The following DOCK5 variants were observed in gnomAD, a reference collection of about 807,000 sequenced individuals.
The protein encoded by DOCK5 is dedicator of cytokinesis 5.
In DOCK5, 142 loss-of-function variants were observed where a neutral mutation model predicts 251.8. The ratio of observed to expected loss-of-function variants is 0.56; its 90% CI spans 0.49 to 0.65. The LOEUF is 0.65. Among genes scored for constraint, DOCK5 ranks in the 30% least tolerant of loss-of-function variants. The probability of loss-of-function intolerance (pLI) is 0.00; values close to 1 mark genes in which losing one functional copy is unlikely to be tolerated. For synonymous variants in DOCK5, 842 were observed against 835.5 expected, an observed-to-expected ratio of 1.01 and a Z score of -0.13; for missense variants, 2,111 against 2,312.3, an observed-to-expected ratio of 0.91 and a Z score of 1.79.
chr8:25,360,537 C>G (rs1800658746), intron 28 of DOCK5, among the ~76,000 whole-genome samples: 2 of 152,184 alleles, frequency 1.3e-5, no homozygotes, highest in South Asian at 4.1e-4. Context: ...GGTTTGAATT[C>G]TGACCATTCC....
At position 25,281,073 on chromosome 8, in the gene DOCK5, A is replaced by G. The variant is rs77677374; in HGVS notation, c.321+2408A>G. On this transcript the variant is annotated intron_variant, in intron 5 of 51. Coordinates refer to ENST00000276440, the MANE Select transcript of DOCK5 (RefSeq NM_024940.8). ...AACTGGTGTGCCCAGTTTATTACCT[A>G]TGTCTTCTACACATCCACAAGTAAT... Among the ~76,000 whole-genome samples, 35 of 150,490 alleles carry G rather than the reference A, an allele frequency of 2.3e-4. No individual in the cohort carries two copies. The East Asian group carries it at 5.5e-3, about 24-fold the overall frequency.
chr8:25,261,638 G>A (rs958647718), intron 2 of DOCK5, among the ~76,000 whole-genome samples: 1 of 152,098 alleles, frequency 6.6e-6, no homozygotes, highest in African/African-American at 2.4e-5. Context: ...GCAACAAAAG[G>A]CATTCATCTT....
At chr8:25,383,038 C>T (rs1801098914) in intron 40 of DOCK5, among the ~76,000 whole-genome samples, 1 of 152,136 alleles carries the variant, frequency 6.6e-6, no homozygotes, top group Admixed American at 6.5e-5. Flanking sequence ...CCGCACTGGT[C>T]AGCTGCTACG....
Position 25,345,593 on chromosome 8 carries a change from G to T in DOCK5, c.2736G>T (p.Val912=), listed in dbSNP as rs1433667319. Residue 912 remains valine (V), a synonymous_variant, in exon 26 of 52, where the codon GTG becomes GTT. Coordinates refer to ENST00000276440, the MANE Select transcript of DOCK5 (RefSeq NM_024940.8). ...SSQLLSNILE[V]LDRKDVGATA... ...AGCTTCTGAGCAACATCCTGGAGGT[G>T]CTGGACAGGAAGGATGTGGTGAGTT... 9.9e-6 allele frequency: 16 copies of T among 1,613,840 alleles called. No individual in the cohort carries two copies. The highest frequency in any genetic ancestry group is 1.4e-5 in the Non-Finnish European group (16 of 1,179,886).
At chr8:25,311,928 A>G (rs1805108412) in intron 13 of DOCK5, among the ~76,000 whole-genome samples, 1 of 152,118 alleles carries the variant, frequency 6.6e-6, no homozygotes, top group Non-Finnish European at 1.5e-5. Context: ...CCTCCAAAAA[A>G]AAAAAAAAAT....
At chr8:25,398,944 C>T (rs1043769386) in intron 45 of DOCK5, among the ~76,000 whole-genome samples, 10 of 152,158 alleles carry the variant, frequency 6.6e-5, no homozygotes, top group Admixed American at 1.3e-4. Flanking sequence ...TTGTTTGCCA[C>T]GCAAAATGGG....
intron 2 of DOCK5, among the ~76,000 whole-genome samples, chr8:25,260,831 T>A (rs1391507494): frequency 6.6e-6 from 1 of 152,006 alleles, no homozygotes; most frequent in Admixed American, 6.6e-5. Context: ...AATCTTGCTC[T>A]GTTGCCCAGG....
chr8:25,194,258 C>T (rs1353538111), intron 1 of DOCK5, among the ~76,000 whole-genome samples: 3 of 152,144 alleles, frequency 2.0e-5, no homozygotes, highest in African/African-American at 4.8e-5. Flanking sequence ...CACGCCACTA[C>T]ACTCCAGCCT....
rs753921441 is a variant in DOCK5, at chr8:25,323,881, C to A, written c.1649C>A (p.Ala550Asp). ...RDKSERAFGV[A>D]FVKLMNPDGT... ...AAATCGGAGCGAGCATTTGGGGTGG[C>A]CTTCGTGAAGCTGATGAACCCGGAT... The change falls in exon 17 of 52, where the codon GCC (alanine) becomes GAC (aspartate). Residue 550 changes from alanine (A) to aspartate (D), a missense_variant. Physicochemically the swap from Ala to Asp is moderately radical, Grantham distance 126. Around this residue, in one of 3 missense-constraint regions of DOCK5, gnomAD observed 1,717 missense variants for 1,892.4 expected, o/e 0.91. Transcript: ENST00000276440. The A allele has an allele frequency of 6.2e-7, 1 of 1,613,384 alleles. No homozygotes were observed. The highest frequency in any genetic ancestry group is 8.5e-7 in the Non-Finnish European group (1 of 1,179,734).
chr8:25,366,978 T>C lies in DOCK5; in HGVS notation c.3224+8T>C. 1 of 1,610,854 alleles carries C rather than the reference T, an allele frequency of 6.2e-7. No homozygotes were observed. The highest frequency in any genetic ancestry group is 8.5e-7 in the Non-Finnish European group (1 of 1,177,266). On this transcript the variant is annotated splice_region_variant and intron_variant, in intron 31 of 51. Coordinates refer to ENST00000276440, the MANE Select transcript of DOCK5 (RefSeq NM_024940.8). ...CAACAAAATTGTTAAAAAGTAAGTG[T>C]CCTTTTAAAGTTAAGATCGGGAAGG...
intron 13 of DOCK5, among the ~76,000 whole-genome samples, chr8:25,316,180 GA>G (rs1805245752): frequency 6.6e-6 from 1 of 152,086 alleles, no homozygotes; most frequent in South Asian, 2.1e-4. Context: ...CTGATTTAAA[GA>G]AATAAAAAGT....
chr8:25,288,390 T>C (rs932388041), intron 5 of DOCK5, among the ~76,000 whole-genome samples: 2 of 152,220 alleles, frequency 1.3e-5, no homozygotes, highest in African/African-American at 4.8e-5. Flanking sequence ...CTATTCAGAA[T>C]TCACTTGGCA....
intron 8 of DOCK5, 34 bp downstream of exon 8, chr8:25,299,135 A>C (rs1280345141): frequency 1.2e-6 from 2 of 1,604,354 alleles, no homozygotes; most frequent in Non-Finnish European, 1.7e-6. Flanking sequence ...CTGCTGACCT[A>C]ACAAAGATAC....
intron 13 of DOCK5, among the ~76,000 whole-genome samples, chr8:25,312,775 A>AG (rs1554480363): frequency 1.3e-5 from 2 of 151,436 alleles, no homozygotes; most frequent in African/African-American, 2.4e-5. Flanking sequence ...AAAAAAAAAA[A>AG]AAAAATTAGC....
At chr8:25,277,093 T>A (rs546317845) in intron 4 of DOCK5, 1 of 153,960 alleles carries the variant, frequency 6.5e-6, no homozygotes, top group African/African-American at 2.4e-5. Flanking sequence ...TCAAACCCGC[T>A]CATTCCAAAA....
At chr8:25,386,761 G>T (rs1222992985) in intron 40 of DOCK5, among the ~76,000 whole-genome samples, 2 of 152,184 alleles carry the variant, frequency 1.3e-5, no homozygotes, top group African/African-American at 4.8e-5. Flanking sequence ...AGAGACAGCA[G>T]TGATTCTGTG....
intron 1 of DOCK5, among the ~76,000 whole-genome samples, chr8:25,207,155 A>G (rs756198165): frequency 2.6e-5 from 4 of 152,142 alleles, no homozygotes; most frequent in Non-Finnish European, 4.4e-5. Context: ...ACATCACTTT[A>G]TTGATCGACC....
rs1001353134 is a variant in DOCK5, at chr8:25,327,148, C to T, written c.1903+1601C>T. ...TCAAAGAATGCAGTAAATTAAAACA[C>T]GTAAAAACTCACATTCGATCTATAT... On this transcript the variant is annotated intron_variant, in intron 18 of 51. Coordinates refer to ENST00000276440, the MANE Select transcript of DOCK5 (RefSeq NM_024940.8). Among the ~76,000 whole-genome samples, 8 of 152,284 alleles carry T rather than the reference C, an allele frequency of 5.3e-5. No homozygotes were observed. In the East Asian group the frequency reaches 5.8e-4, roughly 11 times the overall value.
chr8:25,376,285 C>T, intron 37 of DOCK5: 1 of 984,992 alleles, frequency 1.0e-6, no homozygotes. Context: ...GGTATGAATG[C>T]AGCTTTTTTT....
Sources: gnomAD v4.1 joint callset for allele counts (sites outside exome capture counted in the v4.1 genomes callset) on GRCh38, gnomAD v4.1.1 for gene constraint, gnomAD v4.1.1 regional missense constraint, MANE v1.5 for transcripts, NCBI Gene and HGNC (gene_info 2026-07-23, HGNC 2026-07-21) for gene names.